The following DLGAP2 variants were observed in gnomAD, a reference collection of about 807,000 sequenced individuals.
The protein encoded by DLGAP2 is DLG associated protein 2.
DLGAP2 carries 26 observed loss-of-function variants against 100.3 expected under a neutral mutation model. That is an observed-to-expected ratio of 0.26 (90% CI 0.19 to 0.36). DLGAP2 has a LOEUF of 0.36. DLGAP2 is among the 10% of genes least tolerant of loss of function. DLGAP2 has a pLI of 1.00. For missense variants in DLGAP2, 1,858 were observed against 1,453.2 expected, an observed-to-expected ratio of 1.28 and a Z score of -4.53; for synonymous variants, 886 against 630.1, an observed-to-expected ratio of 1.41 and a Z score of -6.08.
intron 3 of DLGAP2, among the ~76,000 whole-genome samples, chr8:1,323,851 T>C (rs1800963015): frequency 6.6e-6 from 1 of 152,234 alleles, no homozygotes; most frequent in African/African-American, 2.4e-5. Flanking sequence ...AGGGCTTGGC[T>C]GTACTACTAG....
intron 14 of DLGAP2, among the ~76,000 whole-genome samples, chr8:1,699,824 A>G (rs1799517748): frequency 6.6e-6 from 1 of 152,168 alleles, no homozygotes; most frequent in Admixed American, 6.5e-5. Flanking sequence ...CAGGCCTGGA[A>G]GCTCCTTTGA....
chr8:1,458,910 A>G (rs73534650), intron 3 of DLGAP2, among the ~76,000 whole-genome samples: 3 of 152,210 alleles, frequency 2.0e-5, no homozygotes, highest in African/African-American at 7.2e-5. Context: ...GCCACTCAGC[A>G]TCTTTCCCAC....
rs967964901 is a variant in DLGAP2 at position 1,186,591 on chromosome 8, G to C, written c.74-72260G>C. The stretch of plus-strand genomic sequence containing the variant: ...ACGGCCATTCCCTTTTTGTCATGGA[G>C]GTGGGGGGTGCGGTGTCTTCTGAGC... On this transcript the variant is annotated intron_variant, in intron 2 of 14. Transcript: ENST00000637795. Among the ~76,000 whole-genome samples the C allele has an allele frequency of 2.4e-4, 36 of 152,270 alleles. 1 individual carries two copies. The highest frequency in any genetic ancestry group is 1.0e-3 in the South Asian group (5 of 4,816).
chr8:1,697,387 G>A, intron 14 of DLGAP2, 88 bp downstream of exon 14: 1 of 1,491,030 alleles, frequency 6.7e-7, no homozygotes, highest in Non-Finnish European at 9.0e-7. Flanking sequence ...TGACAACGGG[G>A]TTCTCAGTCT....
chr8:1,005,641 A>C (rs1215260782), intron 2 of DLGAP2, among the ~76,000 whole-genome samples: 2 of 151,504 alleles, frequency 1.3e-5, no homozygotes, highest in African/African-American at 4.9e-5. Flanking sequence ...GCTGGTCTCA[A>C]ATTCCTAGGT....
chr8:1,351,323 C>A (rs1329939825), intron 3 of DLGAP2, among the ~76,000 whole-genome samples: 4 of 54,698 alleles, frequency 7.3e-5, no homozygotes, highest in Admixed American at 2.3e-4. Context: ...TGTGGAAAGG[C>A]CGTGCGGGTC....
At chr8:1,521,950 A>T (rs1454355153) in intron 4 of DLGAP2, among the ~76,000 whole-genome samples, 1 of 131,614 alleles carries the variant, frequency 7.6e-6, no homozygotes, top group Non-Finnish European at 1.5e-5. Context: ...TTTAATTTGG[A>T]ATACTCGGCA....
At chr8:1,128,642 A>T (rs983166010) in intron 2 of DLGAP2, among the ~76,000 whole-genome samples, 2 of 152,166 alleles carry the variant, frequency 1.3e-5, no homozygotes, top group African/African-American at 4.8e-5. Flanking sequence ...GGCCAACAAC[A>T]CGTTTCCCAG....
At chr8:1,322,088 T>C (rs113409362) in intron 3 of DLGAP2, among the ~76,000 whole-genome samples, 3,920 of 152,294 alleles carry the variant, frequency 0.026, 180 homozygotes, top group African/African-American at 0.089. Context: ...TAGATAACAG[T>C]GAACTAATGA....
At chr8:1,213,103 A>G (rs1247201596) in intron 2 of DLGAP2, among the ~76,000 whole-genome samples, 1 of 152,070 alleles carries the variant, frequency 6.6e-6, no homozygotes, top group East Asian at 1.9e-4. Flanking sequence ...TGTCTCAAAG[A>G]TCTCCAGGTT....
chr8:1,237,463 CA>C (rs1313150114), intron 2 of DLGAP2, among the ~76,000 whole-genome samples: 2 of 148,108 alleles, frequency 1.4e-5, no homozygotes, highest in East Asian at 2.1e-4. Flanking sequence ...AGTTACCTCT[CA>C]CATGGTGCCG....
At chr8:1,043,913 G>A (rs965218254) in intron 2 of DLGAP2, among the ~76,000 whole-genome samples, 13 of 151,890 alleles carry the variant, frequency 8.6e-5, no homozygotes, top group East Asian at 1.9e-4. Context: ...GTGGAGAGAC[G>A]GGCAGTGAGA....
intron 6 of DLGAP2, among the ~76,000 whole-genome samples, chr8:1,614,846 C>T (rs1054794229): frequency 7.0e-6 from 1 of 142,370 alleles, no homozygotes; most frequent in Non-Finnish European, 1.5e-5. Flanking sequence ...ATTGCACGTG[C>T]ACACACGTGC....
chr8:1,455,569 G>C (rs1446981329), intron 3 of DLGAP2, among the ~76,000 whole-genome samples: 1 of 152,242 alleles, frequency 6.6e-6, no homozygotes, highest in Admixed American at 6.5e-5. Context: ...AGGACCTTTT[G>C]CTTTTCCTTG....
intron 2 of DLGAP2, among the ~76,000 whole-genome samples, chr8:1,009,050 G>T (rs993824116): frequency 1.3e-5 from 2 of 152,216 alleles, no homozygotes; most frequent in Non-Finnish European, 2.9e-5. Flanking sequence ...GCAAAAGCTG[G>T]GTGGGGGCCC....
intron 2 of DLGAP2, among the ~76,000 whole-genome samples, chr8:1,049,168 C>T (rs1180466665): frequency 7.9e-5 from 12 of 152,146 alleles, no homozygotes; most frequent in Admixed American, 7.9e-4. Context: ...CTCTGAGCCT[C>T]GATTCCACGA....
intron 1 of DLGAP2, among the ~76,000 whole-genome samples, chr8:762,373 A>G (rs1051615811): frequency 6.6e-6 from 1 of 152,234 alleles, no homozygotes; most frequent in Non-Finnish European, 1.5e-5. Flanking sequence ...TCTTTGTTGC[A>G]GAGAAGTATA....
intron 3 of DLGAP2, among the ~76,000 whole-genome samples, chr8:1,266,066 A>G (rs1196597893): frequency 6.6e-6 from 1 of 152,198 alleles, no homozygotes; most frequent in African/African-American, 2.4e-5. Context: ...GACAGGGGAC[A>G]CCCTTGTCTG....
intron 3 of DLGAP2, among the ~76,000 whole-genome samples, chr8:1,409,716 C>A (rs1312114662): frequency 1.3e-5 from 2 of 152,222 alleles, no homozygotes. Context: ...GGTGGGCCTC[C>A]CCCAGTCCAT....
Sources: allele counts gnomAD v4.1 joint callset (sites outside exome capture counted in the v4.1 genomes callset), GRCh38; gene constraint gnomAD v4.1.1; transcripts MANE v1.5; gene names NCBI Gene and HGNC (gene_info 2026-07-23, HGNC 2026-07-21).